Variants in PNPLA8 observed in about 807,000 individuals in gnomAD.
PNPLA8 encodes the protein calcium-independent phospholipase A2-gamma.
PNPLA8 carries 39 observed loss-of-function variants against 76.9 expected under a neutral mutation model. That is an observed-to-expected ratio of 0.51 (90% CI 0.39 to 0.66). The LOEUF (loss-of-function observed/expected upper bound fraction) is 0.66, where lower values mean the gene tolerates loss of function less well. Ranked by LOEUF, PNPLA8 falls within the 30% of genes least tolerant of loss-of-function variation. PNPLA8 has a pLI of 0.00. For missense variants in PNPLA8, 887 were observed against 918.0 expected, an observed-to-expected ratio of 0.97 and a Z score of 0.44; for synonymous variants, 301 against 307.9, an observed-to-expected ratio of 0.98 and a Z score of 0.24.
intron 4 of PNPLA8, among the ~76,000 whole-genome samples, chr7:108,505,358 T>A (rs1314901249): frequency 4.7e-4 from 20 of 42,336 alleles, no homozygotes; most frequent in Non-Finnish European, 7.3e-4. Context: ...ATATATTTTT[T>A]TTTTTTTTTT....
In PNPLA8 at chr7:108,526,070, G is replaced by C; in HGVS notation, c.-171C>G. The C allele has an allele frequency of 5.1e-6, 5 of 985,660 alleles. No individual in the cohort carries two copies. Among genetic ancestry groups the C allele is most frequent in the African/African-American group, 1.7e-5 (1 of 57,362 alleles). The allele number at this position is 985,660 out of a possible 1,614,324, so 61.1% of individuals were successfully genotyped here. On this transcript the variant is annotated 5_prime_UTR_variant, in exon 1 of 11. Transcript: ENST00000257694. ...GTCACTAGGGCTGCAGCGGCGACTC[G>C]CTCGTTCCCGGCAATGACGTCCACT...
At chr7:108,493,416 T>G (rs1222609723) in intron 7 of PNPLA8, among the ~76,000 whole-genome samples, 2 of 151,884 alleles carry the variant, frequency 1.3e-5, no homozygotes, top group African/African-American at 4.8e-5. Flanking sequence ...ATTTTATATA[T>G]ATATATTTTT....
At chr7:108,484,607 C>G (rs531995923) in intron 9 of PNPLA8, among the ~76,000 whole-genome samples, 1 of 152,082 alleles carries the variant, frequency 6.6e-6, no homozygotes, top group Non-Finnish European at 1.5e-5. Flanking sequence ...CTTCCTCATC[C>G]CATTTTCTAT....
chr7:108,487,176 A>G (rs924166344), intron 9 of PNPLA8, among the ~76,000 whole-genome samples: 1 of 152,194 alleles, frequency 6.6e-6, no homozygotes, highest in Non-Finnish European at 1.5e-5. Flanking sequence ...ATTACGGACA[A>G]CATCCTAACT....
At chr7:108,481,928 T>C (rs149729482) in intron 9 of PNPLA8, among the ~76,000 whole-genome samples, 1 of 152,306 alleles carries the variant, frequency 6.6e-6, no homozygotes, top group African/African-American at 2.4e-5. Flanking sequence ...GAGAGAAAGA[T>C]GACCAATTGT....
chr7:108,487,637 T>C (rs1056187181), intron 9 of PNPLA8, 122 bp downstream of exon 9: 3 of 501,808 alleles, frequency 6.0e-6, no homozygotes, highest in Admixed American at 7.7e-5. Context: ...TCTTTTGAGA[T>C]ATGAAGACAC....
chr7:108,496,535 C>T (rs190830973), intron 7 of PNPLA8, 49 bp downstream of exon 7: 150 of 1,162,002 alleles, frequency 1.3e-4, no homozygotes, highest in Middle Eastern at 7.5e-4. Context: ...ATAATATGCA[C>T]ATACTACCTA....
At chr7:108,527,584 T>C (rs1220545710), upstream of PNPLA8, 1 of 152,154 alleles carries the variant, frequency 6.6e-6, no homozygotes, top group African/African-American at 2.4e-5. Context: ...GGAGAGAGAT[T>C]GGCCTCAAGT....
chr7:108,516,473 G>A (rs182616736), intron 2 of PNPLA8, among the ~76,000 whole-genome samples: 38 of 152,284 alleles, frequency 2.5e-4, no homozygotes, highest in Admixed American at 1.5e-3. Flanking sequence ...AGATCTAAAT[G>A]TAAAATGCAA....
Position 108,514,713 on chromosome 7 carries a change from G to A in PNPLA8, c.779C>T (p.Ser260Leu). Reference sequence around the variant, plus strand: ...CTTGTCCACCGTATGTACAGATTCTGAGCCTGGCTTATAAGCCAGGATGCC... The same window carrying A: ...CTTGTCCACCGTATGTACAGATTCTAAGCCTGGCTTATAAGCCAGGATGCC... Reference protein sequence around the residue: ...DPGILAYKPGSESVHTVDKPT... With the variant: ...DPGILAYKPGLESVHTVDKPT... The change falls in exon 3 of 11, where the codon TCA (serine) becomes TTA (leucine). Residue 260 changes from serine (S) to leucine (L), a missense_variant. Physicochemically the swap from Ser to Leu is moderately radical, Grantham distance 145 (BLOSUM62 -2). Coordinates refer to ENST00000257694, the MANE Select transcript of PNPLA8 (RefSeq NM_001256007.3). The A allele has an allele frequency of 1.9e-6, 3 of 1,613,944 alleles. No homozygotes were observed. Among genetic ancestry groups the A allele is most frequent in the Non-Finnish European group, 1.7e-6 (2 of 1,179,856 alleles).
upstream of PNPLA8, among the ~76,000 whole-genome samples, chr7:108,526,551 T>G (rs979437042): frequency 2.0e-5 from 3 of 152,222 alleles, no homozygotes; most frequent in African/African-American, 7.2e-5. Flanking sequence ...TCCGCGTCCC[T>G]GAAGCCCCTG....
At chr7:108,501,416 G>C (rs533571306) in intron 5 of PNPLA8, among the ~76,000 whole-genome samples, 1 of 152,200 alleles carries the variant, frequency 6.6e-6, no homozygotes, top group African/African-American at 2.4e-5. Context: ...TATGGCACCA[G>C]AACTGGCATC....
chr7:108,510,445 G>T (rs777784328), intron 4 of PNPLA8: 7 of 1,464,748 alleles, frequency 4.8e-6, no homozygotes, highest in African/African-American at 2.8e-5. Context: ...TTCGAATGGC[G>T]AGGATGGCAA....
intron 8 of PNPLA8, among the ~76,000 whole-genome samples, chr7:108,489,440 C>A (rs6964631): frequency 6.6e-6 from 1 of 152,140 alleles, no homozygotes; most frequent in Non-Finnish European, 1.5e-5. Flanking sequence ...TACTCAATGG[C>A]CTTCACATTG....
At position 108,498,722 on chromosome 7, in the gene PNPLA8, T is replaced by C. The variant is rs939860883; in HGVS notation, c.1359-1145A>G. 3.5e-4 allele frequency among the ~76,000 whole-genome samples: 53 copies of C among 152,264 alleles called. 1 individual carries two copies. The highest frequency in any genetic ancestry group is 3.3e-3 in the Admixed American group (51 of 15,288). ...TTGCCAACAGCAGTTAATAGCTTCA[T>C]GAAGGAATGCGAAACGATGAAAAAG... On this transcript the variant is annotated intron_variant, in intron 5 of 10. Coordinates refer to ENST00000257694, the MANE Select transcript of PNPLA8 (RefSeq NM_001256007.3).
upstream of PNPLA8, among the ~76,000 whole-genome samples, chr7:108,526,834 C>G (rs977369263): frequency 2.0e-5 from 3 of 152,172 alleles, no homozygotes; most frequent in Non-Finnish European, 4.4e-5. Flanking sequence ...TCCAGCCCAC[C>G]GCAGGTTCTG....
Position 108,496,517 on chromosome 7 carries a change from T to C in PNPLA8, c.1625+67A>G. The C allele has an allele frequency of 6.4e-6, 6 of 933,264 alleles. No homozygotes were observed. In the South Asian group the frequency reaches 7.8e-5, roughly 12 times the overall value. The allele number at this position is 933,264 out of a possible 1,614,324, so 57.8% of individuals were successfully genotyped here. ...AGAATATAATTTAATATTGACATTT[T>C]TCAAATTATAATATGCACATACTAC... is the stretch of plus-strand genomic sequence containing the variant. On this transcript the variant is annotated intron_variant, in intron 7 of 10. Coordinates refer to ENST00000257694, the MANE Select transcript of PNPLA8 (RefSeq NM_001256007.3).
rs753879726 is a variant in PNPLA8 at position 108,502,559 on chromosome 7, T to C, written c.1290A>G (p.Leu430=). ...CTTTCACTGGATCCACATAGCCAAT[T>C]AGGGCCAAAATTTCTCTAACTGCAG... The part of the protein sequence containing the change: ...LQAAVREILA[L]IGYVDPVKGR... The change falls in exon 5 of 11, where the codon CTA becomes CTG. Residue 430 remains leucine, a synonymous_variant. Transcript: ENST00000257694. 1.9e-6 allele frequency: 3 copies of C among 1,612,454 alleles called. No homozygotes were observed. Among genetic ancestry groups the C allele is most frequent in the South Asian group, 2.2e-5 (2 of 91,040 alleles).
Position 108,504,901 on chromosome 7 carries a change from A to AC in PNPLA8, c.1207-2260dup, listed in dbSNP as rs1306021103. On this transcript the variant is annotated intron_variant, in intron 4 of 10. Transcript: ENST00000257694. Reference sequence around the variant, plus strand: ...AGACCAGCCTGACCAACATGGGGAAACCCCATCTCTACTAAAAATACAAAA... The same window carrying AC: ...AGACCAGCCTGACCAACATGGGGAAACCCCCATCTCTACTAAAAATACAAAA... 6.6e-5 allele frequency among the ~76,000 whole-genome samples: 10 copies of AC among 151,854 alleles called. No individual in the cohort carries two copies. In the East Asian group the frequency reaches 1.9e-3, roughly 29 times the overall value.
Sources: gnomAD v4.1 joint callset for allele counts (sites outside exome capture counted in the v4.1 genomes callset) on GRCh38, gnomAD v4.1.1 for gene constraint, MANE v1.5 for transcripts, NCBI Gene and HGNC (gene_info 2026-07-23, HGNC 2026-07-21) for gene names.